Variants in BACH1 observed in about 807,000 individuals in gnomAD.
The protein encoded by BACH1 is transcription regulator protein BACH1.
In BACH1, 35 loss-of-function variants were observed where a neutral mutation model predicts 52.9. That is an observed-to-expected ratio of 0.66 (90% CI 0.51 to 0.88). The LOEUF (loss-of-function observed/expected upper bound fraction) is 0.88, where lower values mean the gene tolerates loss of function less well. Among genes scored for constraint, BACH1 ranks in the 40% least tolerant of loss-of-function variants. The pLI, the probability that BACH1 is intolerant of heterozygous loss-of-function variation, is 0.00. For synonymous variants in BACH1, 321 were observed against 319.6 expected (o/e 1.00, Z -0.05); for missense variants, 808 against 872.6 (o/e 0.93, Z 0.93).
intron 4 of BACH1, among the ~76,000 whole-genome samples, chr21:29,334,084 T>A (rs2089015730): frequency 1.3e-5 from 2 of 151,164 alleles, no homozygotes; most frequent in Non-Finnish European, 2.9e-5. Flanking sequence ...GACTTTGGTT[T>A]TTTTTGTTAT....
chr21:29,339,136 T>C (rs1307990528), intron 4 of BACH1, among the ~76,000 whole-genome samples: 1 of 152,200 alleles, frequency 6.6e-6, no homozygotes, highest in African/African-American at 2.4e-5. Flanking sequence ...GACACATTCC[T>C]AGAAGTGGGA....
intron 3 of BACH1, among the ~76,000 whole-genome samples, chr21:29,327,659 G>A (rs766118434): frequency 3.3e-5 from 5 of 152,060 alleles, no homozygotes; most frequent in Admixed American, 2.0e-4. Flanking sequence ...GCGAATCTCC[G>A]TCTCTACAAA....
At position 29,327,406 on chromosome 21, in the gene BACH1, A is replaced by G; in HGVS notation, c.1569+13A>G. 1.9e-6 allele frequency: 3 copies of G among 1,600,306 alleles called. No homozygotes were observed. Among genetic ancestry groups the G allele is most frequent in the Non-Finnish European group, 2.6e-6 (3 of 1,172,788 alleles). ...ACAAGAATGTGAGGTGAGCAGGAAT[A>G]TGTTCTTAATTCATTGTTTTAATAA... On this transcript the variant is annotated intron_variant, in intron 3 of 4. Transcript: ENST00000286800.
chr21:29,340,915 T>C (rs1296366053), intron 4 of BACH1, among the ~76,000 whole-genome samples: 1 of 151,732 alleles, frequency 6.6e-6, no homozygotes, highest in African/African-American at 2.4e-5. Flanking sequence ...TGGCCAAACA[T>C]TGATTTTGCT....
intron 1 of BACH1, chr21:29,305,309 T>C (rs1268483052): frequency 6.6e-6 from 1 of 152,182 alleles, no homozygotes; most frequent in African/African-American, 2.4e-5. Context: ...GAAATGCTGC[T>C]TGGGGATGAG....
At chr21:29,312,738 C>T (rs182042026) in intron 1 of BACH1, among the ~76,000 whole-genome samples, 1 of 152,156 alleles carries the variant, frequency 6.6e-6, no homozygotes, top group African/African-American at 2.4e-5. Context: ...CTAAAAAGAT[C>T]ATAATAATGC....
intron 4 of BACH1, among the ~76,000 whole-genome samples, chr21:29,337,652 G>C (rs1167607862): frequency 6.6e-6 from 1 of 152,140 alleles, no homozygotes; most frequent in Admixed American, 6.5e-5. Flanking sequence ...GTAAAAATGA[G>C]AACACTTGGA....
downstream of BACH1, among the ~76,000 whole-genome samples, chr21:29,348,236 G>A (rs2089181699): frequency 6.6e-6 from 1 of 152,180 alleles, no homozygotes; most frequent in Admixed American, 6.5e-5. Flanking sequence ...GAGAGTGGTT[G>A]TTCCTACCGT....
chr21:29,347,090 A>T (rs80227458), downstream of BACH1, among the ~76,000 whole-genome samples: 1,367 of 152,250 alleles, frequency 9.0e-3, 21 homozygotes, highest in African/African-American at 0.031. Context: ...GTAGGTATTG[A>T]GGGTTTAGAG....
At chr21:29,330,258 G>T (rs2049587841) in intron 4 of BACH1, among the ~76,000 whole-genome samples, 1 of 152,174 alleles carries the variant, frequency 6.6e-6, no homozygotes, top group Non-Finnish European at 1.5e-5. Flanking sequence ...TCTGCCTGCT[G>T]GGTTCATGCC....
intron 1 of BACH1, among the ~76,000 whole-genome samples, chr21:29,319,362 C>T (rs1223547847): frequency 6.6e-6 from 1 of 152,014 alleles, no homozygotes; most frequent in African/African-American, 2.4e-5. Flanking sequence ...TAAGAGAATA[C>T]ATTACAGATT....
chr21:29,320,466 A>G (rs1288697572), intron 1 of BACH1, among the ~76,000 whole-genome samples: 2 of 152,190 alleles, frequency 1.3e-5, no homozygotes, highest in Non-Finnish European at 2.9e-5. Context: ...TTTGGAGGCT[A>G]TTATATGTTA....
chr21:29,342,929 G>T lies in BACH1; in HGVS notation c.*96G>T. On this transcript the variant is annotated 3_prime_UTR_variant, in exon 5 of 5. Transcript: ENST00000286800. ...TGACCATCTGTTGCTCAACAATACTGTTTTTTTCCTTTAGTAGTTTACCAT... is the reference window on the plus strand; with the variant it reads ...TGACCATCTGTTGCTCAACAATACTTTTTTTTTCCTTTAGTAGTTTACCAT... 3.2e-6 allele frequency: 4 copies of T among 1,235,202 alleles called. No individual in the cohort carries two copies. The highest frequency in any genetic ancestry group is 2.8e-5 in the Admixed American group (1 of 35,098). 76.5% of individuals were successfully genotyped at this position (1,235,202 alleles called of 1,614,324 possible). A position where few individuals can be genotyped will look rare whatever the true frequency, so the allele number is the denominator to read the frequency against.
chr21:29,354,174 A>C (rs952731519), intron 2 of BACH1, among the ~76,000 whole-genome samples: 1 of 152,114 alleles, frequency 6.6e-6, no homozygotes, highest in Non-Finnish European at 1.5e-5. Context: ...TTATTTGTAG[A>C]GCTGAAAGAT....
At chr21:29,323,895 G>A (rs1436771355) in intron 2 of BACH1, among the ~76,000 whole-genome samples, 1 of 152,142 alleles carries the variant, frequency 6.6e-6, no homozygotes, top group Non-Finnish European at 1.5e-5. Flanking sequence ...ACTAGCATGT[G>A]TGTGTGCGGG....
intron 4 of BACH1, among the ~76,000 whole-genome samples, chr21:29,334,987 A>G (rs930982231): frequency 1.3e-5 from 2 of 152,202 alleles, no homozygotes; most frequent in Non-Finnish European, 2.9e-5. Flanking sequence ...CATTGGCATC[A>G]TAGTTATCTT....
Position 29,342,899 on chromosome 21 carries a change from T to C in BACH1, c.*66T>C. 6.9e-7 allele frequency: 1 copy of C among 1,442,002 alleles called. No individual in the cohort carries two copies. The highest frequency in any genetic ancestry group is 9.3e-7 in the Non-Finnish European group (1 of 1,070,270). 89.3% of individuals were successfully genotyped at this position (1,442,002 alleles called of 1,614,324 possible). On this transcript the variant is annotated 3_prime_UTR_variant, in exon 5 of 5. Coordinates refer to ENST00000286800, the MANE Select transcript of BACH1 (RefSeq NM_001186.4). ...AAGTTTTGGCAGCGTCTTGAAAGCC[T>C]AATATGACCATCTGTTGCTCAACAA...
intron 2 of BACH1, among the ~76,000 whole-genome samples, chr21:29,357,869 A>T (rs1285850942): frequency 6.6e-6 from 1 of 152,242 alleles, no homozygotes; most frequent in East Asian, 1.9e-4. Context: ...AGGGGACAAC[A>T]AATGGGTAAC....
chr21:29,319,394 C>G (rs1402367665), intron 1 of BACH1, among the ~76,000 whole-genome samples: 1 of 151,794 alleles, frequency 6.6e-6, no homozygotes, highest in Non-Finnish European at 1.5e-5. Context: ...AAGAGGGAAC[C>G]TGATGGAGGT....
Sources: gnomAD v4.1 joint callset for allele counts (sites outside exome capture counted in the v4.1 genomes callset) on GRCh38, gnomAD v4.1.1 for gene constraint, MANE v1.5 for transcripts, NCBI Gene and HGNC (gene_info 2026-07-23, HGNC 2026-07-21) for gene names.